CHRM2: variants seen among roughly 807,000 people sequenced by gnomAD.
CHRM2 encodes muscarinic acetylcholine receptor M2.
Under a neutral mutation model 25.0 loss-of-function variants are expected in CHRM2, and 8 were observed. That is an observed-to-expected ratio of 0.32 (90% CI 0.19 to 0.58). The LOEUF is 0.58. CHRM2 is among the 20% of genes least tolerant of loss of function. CHRM2 has a pLI of 0.88. For synonymous variants in CHRM2, 202 were observed against 205.7 expected (o/e 0.98, Z 0.15); for missense variants, 440 against 567.1 (o/e 0.78, Z 2.28).
rs1277442903 is a variant in CHRM2, at chr7:136,885,903, A to G, written c.-125+16485A>G. Among the ~76,000 whole-genome samples, 4 of 152,158 alleles carry G rather than the reference A, an allele frequency of 2.6e-5. 1 individual carries two copies. The highest frequency in any genetic ancestry group is 2.1e-4 in the South Asian group (1 of 4,822). On this transcript the variant is annotated intron_variant, in intron 2 of 3. Coordinates refer to ENST00000680005, the MANE Select transcript of CHRM2 (RefSeq NM_001006630.2). Reference sequence around the variant, plus strand: ...GTAGAGCATGTACCAACACATAGGAATGGAACATTCAGAGTCCCGTACGTT... The same window carrying G: ...GTAGAGCATGTACCAACACATAGGAGTGGAACATTCAGAGTCCCGTACGTT...
intron 2 of CHRM2, among the ~76,000 whole-genome samples, chr7:136,872,423 T>C (rs1284652941): frequency 6.6e-6 from 1 of 152,206 alleles, no homozygotes. Context: ...GAGACTGTTG[T>C]CTTCATGTTA....
rs1795735229 is a variant in CHRM2 at position 136,869,648 on chromosome 7, C to G, written c.-125+230C>G. 6.6e-6 allele frequency among the ~76,000 whole-genome samples: 1 copy of G among 152,166 alleles called. No individual in the cohort carries two copies. Among genetic ancestry groups the G allele is most frequent in the East Asian group, 1.9e-4 (1 of 5,172 alleles). ...CTGAAAGGAAGGGGCAAACGAGGCA[C>G]AGCGCGAGGCGAGGTACCCCTACGA... On this transcript the variant is annotated intron_variant, in intron 2 of 3. Transcript: ENST00000680005. The surrounding 1 kb of genome is among the most constrained non-coding windows in gnomAD (Gnocchi z 4.9).
chr7:136,967,970 C>T (rs985762433), intron 2 of CHRM2, among the ~76,000 whole-genome samples: 1 of 151,826 alleles, frequency 6.6e-6, no homozygotes, highest in African/African-American at 2.4e-5. Context: ...CAAAACCACA[C>T]AATTAGGTCA....
intron 2 of CHRM2, among the ~76,000 whole-genome samples, chr7:136,884,698 G>T (rs891179852): frequency 3.9e-5 from 6 of 152,136 alleles, no homozygotes; most frequent in African/African-American, 1.4e-4. Context: ...ATGTTGGGAA[G>T]GCACTTGCAA....
chr7:136,971,575 C>A (rs1312945346), intron 2 of CHRM2, among the ~76,000 whole-genome samples: 1 of 148,880 alleles, frequency 6.7e-6, no homozygotes, highest in Non-Finnish European at 1.5e-5. Context: ...TGAGATCACG[C>A]CACTGCACTC....
rs960273469 is a variant in CHRM2 at position 136,940,711 on chromosome 7, C to T, written c.-124-51476C>T. On this transcript the variant is annotated intron_variant, in intron 2 of 3. Transcript: ENST00000680005. The stretch of plus-strand genomic sequence containing the variant: ...TGAACATTGATTAAGCTCCAAACCA[C>T]GAACAAAAGCATTTGTATTTAATCC... 1.1e-4 allele frequency among the ~76,000 whole-genome samples: 17 copies of T among 152,246 alleles called. No homozygotes were observed. In the Middle Eastern group the frequency reaches 0.01, roughly 91 times the overall value.
Position 137,015,522 on chromosome 7 carries a change from G to A in CHRM2, c.657G>A (p.Lys219=), listed in dbSNP as rs1474612766. ...ISRASKSRIK[K]DKKEPVANQD... ...GAGCCAGCAAGAGCAGGATAAAGAA[G>A]GACAAGAAGGAGCCTGTTGCCAACC... is the stretch of plus-strand genomic sequence containing the variant. Residue 219 remains lysine (K), a synonymous_variant, in exon 4 of 4, where the codon AAG becomes AAA. Coordinates refer to ENST00000680005, the MANE Select transcript of CHRM2 (RefSeq NM_001006630.2). This position sits in a 1 kb window ranked among gnomAD's most constrained non-coding sequence, Gnocchi z 5.1. 2.5e-6 allele frequency: 4 copies of A among 1,613,042 alleles called. No individual in the cohort carries two copies. Among genetic ancestry groups the A allele is most frequent in the Admixed American group, 1.7e-5 (1 of 59,866 alleles).
chr7:136,937,400 G>T (rs536034993), intron 2 of CHRM2, among the ~76,000 whole-genome samples: 1 of 151,814 alleles, frequency 6.6e-6, no homozygotes, highest in East Asian at 1.9e-4. Flanking sequence ...TTTTTCCTCA[G>T]TTTTTTTTGA....
intron 2 of CHRM2, among the ~76,000 whole-genome samples, chr7:136,897,328 A>G (rs897563514): frequency 2.6e-5 from 4 of 152,082 alleles, no homozygotes; most frequent in African/African-American, 4.8e-5. Flanking sequence ...AGAGATCTGC[A>G]CTAAAAATAT....
At chr7:136,948,368 T>C (rs1800194111) in intron 2 of CHRM2, among the ~76,000 whole-genome samples, 1 of 152,126 alleles carries the variant, frequency 6.6e-6, no homozygotes, top group Non-Finnish European at 1.5e-5. Context: ...AGTTTAAGAT[T>C]TCAAGGATAG....
At chr7:136,958,299 C>G (rs935130868) in intron 2 of CHRM2, among the ~76,000 whole-genome samples, 1 of 152,120 alleles carries the variant, frequency 6.6e-6, no homozygotes, top group Admixed American at 6.6e-5. Flanking sequence ...GCAGCGAGGG[C>G]AGAGTGGTTG....
intron 2 of CHRM2, among the ~76,000 whole-genome samples, chr7:136,955,202 C>A (rs948837508): frequency 7.9e-5 from 12 of 152,148 alleles, no homozygotes; most frequent in Non-Finnish European, 1.6e-4. Flanking sequence ...TTTTGAAATG[C>A]ATCCTGACTG....
intron 2 of CHRM2, among the ~76,000 whole-genome samples, chr7:136,885,907 A>T (rs1796444120): frequency 6.6e-6 from 1 of 152,162 alleles, no homozygotes; most frequent in South Asian, 2.1e-4. Flanking sequence ...ATAGGAATGG[A>T]ACATTCAGAG....
At chr7:136,938,001 C>A (rs2130804450) in intron 2 of CHRM2, among the ~76,000 whole-genome samples, 1 of 152,274 alleles carries the variant, frequency 6.6e-6, no homozygotes, top group South Asian at 2.1e-4. Context: ...CAAGCGCAAC[C>A]ACACTGGCAC....
At chr7:136,982,648 A>G (rs1802561735) in intron 2 of CHRM2, among the ~76,000 whole-genome samples, 1 of 152,104 alleles carries the variant, frequency 6.6e-6, no homozygotes, top group African/African-American at 2.4e-5. Context: ...GGGTGACAAA[A>G]TCCCTTTGCA....
In CHRM2 at chr7:136,886,700, T is replaced by C. The variant is rs150913603; in HGVS notation, c.-125+17282T>C. Among the ~76,000 whole-genome samples the C allele has an allele frequency of 7.2e-3, 1,099 of 151,744 alleles. 11 individuals carry two copies. Among genetic ancestry groups the C allele is most frequent in the African/African-American group, 0.024 (982 of 41,342 alleles). ...TGGGCAACATAGGAAAACTCTTCTC[T>C]ACAAAAAATACAAAAAAAAAATCTA... On this transcript the variant is annotated intron_variant, in intron 2 of 3. Coordinates refer to ENST00000680005, the MANE Select transcript of CHRM2 (RefSeq NM_001006630.2).
chr7:136,966,735 A>G (rs1163078291), intron 2 of CHRM2, among the ~76,000 whole-genome samples: 4 of 151,548 alleles, frequency 2.6e-5, no homozygotes, highest in African/African-American at 9.7e-5. Context: ...ACATAGTACT[A>G]TATATATCCC....
chr7:136,884,765 G>T (rs1304734115), intron 2 of CHRM2, among the ~76,000 whole-genome samples: 1 of 152,154 alleles, frequency 6.6e-6, no homozygotes, highest in Non-Finnish European at 1.5e-5. Context: ...AGGAGAACAT[G>T]CCAGAAGCCT....
At chr7:136,908,665 A>C (rs1406418649) in intron 2 of CHRM2, among the ~76,000 whole-genome samples, 1 of 151,820 alleles carries the variant, frequency 6.6e-6, no homozygotes, top group African/African-American at 2.4e-5. Context: ...ATCAGGTATT[A>C]CTCCTCATTC....
Sources: allele counts gnomAD v4.1 joint callset (sites outside exome capture counted in the v4.1 genomes callset), GRCh38; gene constraint gnomAD v4.1.1; non-coding constraint Gnocchi (gnomAD v3.1); transcripts MANE v1.5; gene names NCBI Gene and HGNC (gene_info 2026-07-23, HGNC 2026-07-21).